Variants in LHFPL3 observed in about 807,000 individuals in gnomAD.
The protein encoded by LHFPL3 is LHFPL tetraspan subfamily member 3 protein.
In LHFPL3, 5 loss-of-function variants were observed where a neutral mutation model predicts 19.3. The observed-to-expected ratio is 0.26, with a 90% CI of 0.14 to 0.54. The LOEUF is 0.54. LHFPL3 is among the 20% of genes least tolerant of loss of function. The probability of loss-of-function intolerance (pLI) is 0.94; values close to 1 mark genes in which losing one functional copy is unlikely to be tolerated. For synonymous variants in LHFPL3, 133 were observed against 126.2 expected (o/e 1.05, Z -0.36); for missense variants, 249 against 307.4 (o/e 0.81, Z 1.42).
chr7:104,588,747 G>A (rs920992884), intron 1 of LHFPL3, among the ~76,000 whole-genome samples: 1 of 152,162 alleles, frequency 6.6e-6, no homozygotes, highest in African/African-American at 2.4e-5. Context: ...TCCTATCCAC[G>A]AGTATGGAAT....
chr7:104,411,621 A>G (rs1791536786), intron 1 of LHFPL3, among the ~76,000 whole-genome samples: 1 of 152,172 alleles, frequency 6.6e-6, no homozygotes, highest in South Asian at 2.1e-4. Flanking sequence ...AAGTCCTTAG[A>G]AAACAAAATT....
intron 1 of LHFPL3, among the ~76,000 whole-genome samples, chr7:104,603,137 C>CTTTTTTCCCTT (rs1562947544): frequency 1.3e-4 from 4 of 30,580 alleles, no homozygotes; most frequent in African/African-American, 5.3e-4. Flanking sequence ...TTTCTTTTTT[C>CTTTTTTCCCTT]CCTTCCTTCC....
At chr7:104,365,076 G>A (rs1790458297) in intron 1 of LHFPL3, among the ~76,000 whole-genome samples, 1 of 152,122 alleles carries the variant, frequency 6.6e-6, no homozygotes, top group Admixed American at 6.5e-5. Context: ...AAAGCAGGCA[G>A]ATCACCTGAG....
At chr7:104,389,802 T>C (rs1791028432) in intron 1 of LHFPL3, among the ~76,000 whole-genome samples, 1 of 152,168 alleles carries the variant, frequency 6.6e-6, no homozygotes, top group African/African-American at 2.4e-5. Context: ...CTGGAATGAC[T>C]GGATAGTCAT....
At chr7:104,449,979 C>G (rs1326234336) in intron 1 of LHFPL3, among the ~76,000 whole-genome samples, 1 of 152,172 alleles carries the variant, frequency 6.6e-6, no homozygotes, top group Non-Finnish European at 1.5e-5. Flanking sequence ...ACTCATACCA[C>G]TTTTTGCTTT....
At chr7:104,846,719 T>C (rs1251585483) in intron 2 of LHFPL3, among the ~76,000 whole-genome samples, 34 of 152,146 alleles carry the variant, frequency 2.2e-4, no homozygotes, top group Non-Finnish European at 3.8e-4. Flanking sequence ...GGAGAGCCTT[T>C]TAAAAGTGAA....
rs1791016393 is a variant in LHFPL3, at chr7:104,603,134, TTTC to T, written c.446-133540_446-133538del. ...TCTTTCTTTCTTTCTTTCTTTCTTT[TTTC>T]CCTTCCTTCCTTCCTTCCTTCCTTC... On this transcript the variant is annotated intron_variant, in intron 1 of 2. Transcript: ENST00000424859. Among the ~76,000 whole-genome samples the T allele has an allele frequency of 3.4e-3, 305 of 90,080 alleles. 1 individual carries two copies. The highest frequency in any genetic ancestry group is 0.014 in the African/African-American group (278 of 20,570). The allele number at this position is 90,080 out of a possible 152,430, so 59.1% of individuals were successfully genotyped here.
intron 2 of LHFPL3, among the ~76,000 whole-genome samples, chr7:104,900,514 G>A (rs572249673): frequency 2.3e-4 from 35 of 152,182 alleles, no homozygotes; most frequent in Non-Finnish European, 4.7e-4. Context: ...TGCATAAGTA[G>A]CTAGAATAAT....
chr7:104,441,417 C>T (rs1210886847), intron 1 of LHFPL3, among the ~76,000 whole-genome samples: 1 of 152,110 alleles, frequency 6.6e-6, no homozygotes, highest in African/African-American at 2.4e-5. Flanking sequence ...TTTTCTTCCT[C>T]TTTAAGGCTG....
chr7:104,762,993 A>C lies in LHFPL3; in HGVS notation c.682+26082A>C, dbSNP rs74957878. ...TGGCAAAAGTCTGAATTAAAGATGC[A>C]AGGACAAAAAGGACAGGGCACCAGA... On this transcript the variant is annotated intron_variant, in intron 2 of 2. Transcript: ENST00000424859. 2.1e-3 allele frequency among the ~76,000 whole-genome samples: 319 copies of C among 152,340 alleles called. 2 individuals carry two copies. The highest frequency in any genetic ancestry group is 3.9e-3 in the Non-Finnish European group (262 of 68,030).
intron 1 of LHFPL3, among the ~76,000 whole-genome samples, chr7:104,379,009 C>G (rs1382872092): frequency 6.6e-6 from 1 of 152,084 alleles, no homozygotes; most frequent in Non-Finnish European, 1.5e-5. Context: ...CCTAATTCTC[C>G]CAACACATCA....
intron 1 of LHFPL3, among the ~76,000 whole-genome samples, chr7:104,500,312 T>G (rs766936573): frequency 6.6e-6 from 1 of 151,482 alleles, no homozygotes; most frequent in Non-Finnish European, 1.5e-5. Context: ...GATCAATACT[T>G]GATACTTTAA....
intron 2 of LHFPL3, among the ~76,000 whole-genome samples, chr7:104,883,487 G>A (rs1792092130): frequency 1.3e-5 from 2 of 152,150 alleles, no homozygotes; most frequent in African/African-American, 2.4e-5. Flanking sequence ...AATAAAAGCA[G>A]GCCTAGTAGA....
intron 2 of LHFPL3, among the ~76,000 whole-genome samples, chr7:104,802,137 A>T (rs1242731515): frequency 6.6e-6 from 1 of 152,094 alleles, no homozygotes; most frequent in Non-Finnish European, 1.5e-5. Context: ...CCCCAATGTG[A>T]TAGAATATAG....
intron 1 of LHFPL3, among the ~76,000 whole-genome samples, chr7:104,433,814 A>C (rs1012753196): frequency 1.3e-5 from 2 of 152,114 alleles, no homozygotes; most frequent in African/African-American, 4.8e-5. Flanking sequence ...TACAACTGTT[A>C]CTGACTTCTG....
intron 1 of LHFPL3, among the ~76,000 whole-genome samples, chr7:104,342,839 T>C (rs1789983524): frequency 2.0e-5 from 3 of 152,182 alleles, no homozygotes. Flanking sequence ...GTACTGATAG[T>C]GCAATTTAAT....
At position 104,816,621 on chromosome 7, in the gene LHFPL3, C is replaced by T. The variant is rs566004136; in HGVS notation, c.682+79710C>T. On this transcript the variant is annotated intron_variant, in intron 2 of 2. Coordinates refer to ENST00000424859, the MANE Select transcript of LHFPL3 (RefSeq NM_199000.3). ...TTGGCTTTAGTCTCTTAAGCCCCAT[C>T]TGAAATTTCTGCAGTGGTTTGGGAG... Among the ~76,000 whole-genome samples the T allele has an allele frequency of 8.1e-4, 124 of 152,318 alleles. 1 individual carries two copies. Among genetic ancestry groups the T allele is most frequent in the Middle Eastern group, 3.4e-3 (1 of 294 alleles).
chr7:104,405,571 A>G (rs1256004356), intron 1 of LHFPL3, among the ~76,000 whole-genome samples: 2 of 152,330 alleles, frequency 1.3e-5, no homozygotes, highest in South Asian at 2.1e-4. Context: ...GATTATTCCC[A>G]TCTTATAAAT....
intron 2 of LHFPL3, among the ~76,000 whole-genome samples, chr7:104,808,498 T>G (rs180868248): frequency 6.6e-6 from 1 of 152,118 alleles, no homozygotes; most frequent in Non-Finnish European, 1.5e-5. Flanking sequence ...TGCGGCGCAA[T>G]AAGTATTTTG....
Sources: gnomAD v4.1 joint callset for allele counts (sites outside exome capture counted in the v4.1 genomes callset) on GRCh38, gnomAD v4.1.1 for gene constraint, MANE v1.5 for transcripts, NCBI Gene and HGNC (gene_info 2026-07-23, HGNC 2026-07-21) for gene names.